The following PREP variants were observed in gnomAD, a reference collection of about 807,000 sequenced individuals.
PREP encodes the protein prolyl endopeptidase.
In PREP, 29 loss-of-function variants were observed where a neutral mutation model predicts 87.6. That is an observed-to-expected ratio of 0.33 (90% confidence interval 0.25 to 0.45). PREP has a LOEUF of 0.45. PREP is among the 20% of genes least tolerant of loss of function. The pLI, the probability that PREP is intolerant of heterozygous loss-of-function variation, is 1.00. For synonymous variants in PREP, 337 were observed against 328.6 expected (o/e 1.03, Z -0.28); for missense variants, 695 against 886.5 (o/e 0.78, Z 2.74).
intron 6 of PREP, among the ~76,000 whole-genome samples, chr6:105,363,410 T>G (rs12191229): frequency 0.23 from 35,148 of 152,008 alleles, 4,992 homozygotes; most frequent in African/African-American, 0.4. Flanking sequence ...GTTTTTTTGG[T>G]CCAATAGAAC....
chr6:105,376,426 C>T (rs1443005688), intron 3 of PREP, among the ~76,000 whole-genome samples, 171 bp from the exon 4 acceptor site: 9 of 152,196 alleles, frequency 5.9e-5, no homozygotes, highest in Non-Finnish European at 8.8e-5. Flanking sequence ...TCATTTCTCT[C>T]TACCTAGAGC....
Position 105,288,023 on chromosome 6 carries a change from C to T in PREP, c.1454+735G>A, listed in dbSNP as rs138694776. 1.1e-3 allele frequency among the ~76,000 whole-genome samples: 164 copies of T among 152,228 alleles called. 1 individual carries two copies. The highest frequency in any genetic ancestry group is 9.8e-3 in the East Asian group (51 of 5,182). On this transcript the variant is annotated intron_variant, in intron 11 of 14. Transcript: ENST00000652536. ...TATACAGAAAACATTTATGGCTGAA[C>T]GTTAAGACAGTCTATTTTAAGACTC...
intron 2 of PREP, among the ~76,000 whole-genome samples, chr6:105,389,777 G>C (rs754714084): frequency 1.3e-5 from 2 of 152,116 alleles, no homozygotes; most frequent in Non-Finnish European, 2.9e-5. Context: ...CCGGGCTAGG[G>C]AAAGCACATG....
chr6:105,347,948 G>T (rs552273686), intron 7 of PREP, among the ~76,000 whole-genome samples: 17 of 152,182 alleles, frequency 1.1e-4, no homozygotes, highest in African/African-American at 3.9e-4. Context: ...GATTAGGAAG[G>T]TATAGAAAAT....
In PREP at chr6:105,288,837, C is replaced by T. The variant is rs952997356; in HGVS notation, c.1375G>A (p.Gly459Ser). The T allele has an allele frequency of 1.9e-6, 3 of 1,613,698 alleles. No individual in the cohort carries two copies. The Admixed American group carries it at 5.0e-5, about 27-fold the overall frequency. The change falls in exon 11 of 15, where the codon GGC (glycine) becomes AGC (serine). Residue 459 changes from glycine to serine, a missense_variant. Transcript: ENST00000652536. Reference sequence around the variant, plus strand: ...GGATGAGAGCCATCCAATTTTATGCCTTTTTTATGCACAATGAACATTGGA... The same window carrying T: ...GGATGAGAGCCATCCAATTTTATGCTTTTTTTATGCACAATGAACATTGGA... ...KIPMFIVHKK[G>S]IKLDGSHPAF...
At chr6:105,329,342 G>A (rs1471780731) in intron 8 of PREP, among the ~76,000 whole-genome samples, 5 of 151,968 alleles carry the variant, frequency 3.3e-5, no homozygotes, top group East Asian at 1.9e-4. Context: ...TAGTACAGAC[G>A]GGGTTTCACT....
At chr6:105,282,872 T>C (rs1770112686) in intron 12 of PREP, among the ~76,000 whole-genome samples, 2 of 152,186 alleles carry the variant, frequency 1.3e-5, no homozygotes, top group Admixed American at 1.3e-4. Context: ...ATGAGAGATG[T>C]ATGATAATGA....
chr6:105,390,019 A>G (rs1773099355), intron 2 of PREP, among the ~76,000 whole-genome samples: 1 of 152,200 alleles, frequency 6.6e-6, no homozygotes, highest in Admixed American at 6.5e-5. Context: ...TAAAATACCT[A>G]CATAGAAATC....
intron 10 of PREP, among the ~76,000 whole-genome samples, chr6:105,308,472 C>T (rs1177565503): frequency 1.3e-5 from 2 of 152,098 alleles, no homozygotes; most frequent in African/African-American, 2.4e-5. Context: ...ATAAGGGAGG[C>T]ATAGTATAAT....
intron 2 of PREP, among the ~76,000 whole-genome samples, chr6:105,390,191 T>TA (rs1339265179): frequency 6.6e-6 from 1 of 152,180 alleles, no homozygotes; most frequent in African/African-American, 2.4e-5. Flanking sequence ...CCATAGCCTC[T>TA]TAATCAGCAG....
At chr6:105,315,525 A>G (rs1770844530) in intron 10 of PREP, among the ~76,000 whole-genome samples, 2 of 152,166 alleles carry the variant, frequency 1.3e-5, no homozygotes, top group African/African-American at 2.4e-5. Context: ...AATGTGCACT[A>G]GCTTCAACTT....
intron 1 of PREP, among the ~76,000 whole-genome samples, chr6:105,399,909 T>G (rs145126531): frequency 6.6e-6 from 1 of 152,164 alleles, no homozygotes; most frequent in South Asian, 2.1e-4. Flanking sequence ...GGGGCCAGAA[T>G]AGACACTTAA....
At chr6:105,386,119 A>C (rs1404770148) in intron 2 of PREP, among the ~76,000 whole-genome samples, 4 of 139,608 alleles carry the variant, frequency 2.9e-5, no homozygotes, top group Non-Finnish European at 6.5e-5. Flanking sequence ...ACTCCATCTC[A>C]AAGAAAGAAA....
chr6:105,292,865 T>C (rs1054558463), intron 10 of PREP, among the ~76,000 whole-genome samples: 1 of 152,232 alleles, frequency 6.6e-6, no homozygotes, highest in East Asian at 1.9e-4. Context: ...AGACGGCTTC[T>C]TTCCTGAAAC....
At chr6:105,282,076 T>A (rs900859325) in intron 13 of PREP, among the ~76,000 whole-genome samples, 174 bp from the exon 14 acceptor site, 1 of 152,036 alleles carries the variant, frequency 6.6e-6, no homozygotes, top group African/African-American at 2.4e-5. Flanking sequence ...CCCCACCCAC[T>A]CTGAGATCTG....
At position 105,360,614 on chromosome 6, in the gene PREP, T is replaced by C. The variant is rs776107212; in HGVS notation, c.718-7537A>G. ...CTCTCACTAGACATAGTTCAAATTGTTAGAGTATATGTATAAAATACATAT... is the reference window on the plus strand; with the variant it reads ...CTCTCACTAGACATAGTTCAAATTGCTAGAGTATATGTATAAAATACATAT... On this transcript the variant is annotated intron_variant, in intron 6 of 14. Coordinates refer to ENST00000652536, the MANE Select transcript of PREP (RefSeq NM_002726.5). Among the ~76,000 whole-genome samples the C allele has an allele frequency of 9.8e-5, 15 of 152,354 alleles. 1 individual carries two copies. The Middle Eastern group carries it at 0.01, about 104-fold the overall frequency.
rs1770945958 is a variant in PREP at position 105,319,240 on chromosome 6, T to C, written c.1317+4425A>G. ...ACAACAGTAAAGATAATAAAATCAA[T>C]GTTAACTACTTATAAAATCTTTATT... is the stretch of plus-strand genomic sequence containing the variant. On this transcript the variant is annotated intron_variant, in intron 10 of 14. Transcript: ENST00000652536. 1.3e-5 allele frequency among the ~76,000 whole-genome samples: 2 copies of C among 152,224 alleles called. 1 individual carries two copies. Among genetic ancestry groups the C allele is most frequent in the South Asian group, 4.1e-4 (2 of 4,836 alleles).
Position 105,377,339 on chromosome 6 carries a change from G to A in PREP, c.254+47C>T, listed in dbSNP as rs1391365965. 3.9e-6 allele frequency: 6 copies of A among 1,549,118 alleles called. No homozygotes were observed. The East Asian group carries it at 1.4e-4, about 35-fold the overall frequency. Reference sequence around the variant, plus strand: ...AATTTGTATTTTACAATTTAAGAAAGCATTTACTTTGAAAATAAAAAGGAA... The same window carrying A: ...AATTTGTATTTTACAATTTAAGAAAACATTTACTTTGAAAATAAAAAGGAA... On this transcript the variant is annotated intron_variant, in intron 3 of 14. Coordinates refer to ENST00000652536, the MANE Select transcript of PREP (RefSeq NM_002726.5).
intron 7 of PREP, among the ~76,000 whole-genome samples, chr6:105,334,552 C>T (rs942124565): frequency 1.3e-5 from 2 of 152,108 alleles, no homozygotes; most frequent in African/African-American, 4.8e-5. Context: ...AACCCTGTCT[C>T]TATTAAAAAT....
Sources: allele counts gnomAD v4.1 joint callset (sites outside exome capture counted in the v4.1 genomes callset), GRCh38; gene constraint gnomAD v4.1.1; transcripts MANE v1.5; gene names NCBI Gene and HGNC (gene_info 2026-07-23, HGNC 2026-07-21).